The following WHRN variants were observed in gnomAD, a reference collection of about 807,000 sequenced individuals.
WHRN encodes the protein whirlin, also known as CASK-interacting protein CIP98.
In WHRN, 41 loss-of-function variants were observed where a neutral mutation model predicts 68.3. That is an observed-to-expected ratio of 0.60 (90% CI 0.47 to 0.78). The LOEUF is 0.78. Among genes scored for constraint, WHRN ranks in the 30% least tolerant of loss-of-function variants. The pLI is 0.00. For missense variants in WHRN, 1,243 were observed against 1,244.7 expected (o/e 1.00, Z 0.02); for synonymous variants, 560 against 561.3 (o/e 1.00, Z 0.03).
intron 3 of WHRN, among the ~76,000 whole-genome samples, chr9:114,462,339 A>G (rs1840315444): frequency 6.6e-6 from 1 of 152,108 alleles, no homozygotes; most frequent in African/African-American, 2.4e-5. Context: ...GCTCTATGTA[A>G]AGAGAACTCT....
intron 7 of WHRN, among the ~76,000 whole-genome samples, chr9:114,420,281 G>T (rs571507972): frequency 1.6e-4 from 24 of 152,292 alleles, no homozygotes; most frequent in Admixed American, 4.6e-4. Context: ...CCACTGCCAT[G>T]ACCAGCATCC....
chr9:114,475,474 C>T (rs1000709), intron 2 of WHRN, among the ~76,000 whole-genome samples: 65,923 of 151,996 alleles, frequency 0.43, 15,292 homozygotes, highest in East Asian at 0.63. Context: ...TCTCATACCA[C>T]GGCACAGAGA....
At chr9:114,455,590 T>C (rs1190936477) in intron 3 of WHRN, among the ~76,000 whole-genome samples, 3 of 151,714 alleles carry the variant, frequency 2.0e-5, no homozygotes, top group Non-Finnish European at 4.4e-5. Flanking sequence ...GGTGCATGCC[T>C]GTAGTCCCGG....
chr9:114,430,564 G>A (rs893863609), intron 3 of WHRN, among the ~76,000 whole-genome samples: 1 of 152,150 alleles, frequency 6.6e-6, no homozygotes, highest in Non-Finnish European at 1.5e-5. Context: ...TGGCACTTAT[G>A]CAACCTGAGT....
At position 114,406,636 on chromosome 9, in the gene WHRN, G is replaced by A. The variant is rs1431017091; in HGVS notation, c.1955C>T (p.Ala652Val). 1 of 1,612,726 alleles carries A rather than the reference G, an allele frequency of 6.2e-7. No homozygotes were observed. ...GCTGGGGTTGGCAGGGGAGACGGAG[G>A]CATAGATGGGGGAAGAGGGCAAGTC... ...AQDLPSSPIYASVSPANPSSK... is the reference protein window; with the variant it reads ...AQDLPSSPIYVSVSPANPSSK... The change falls in exon 9 of 12, where the codon GCC becomes GTC. Residue 652 changes from alanine to valine, a missense_variant. Coordinates refer to ENST00000362057, the MANE Select transcript of WHRN (RefSeq NM_015404.4).
chr9:114,488,630 T>C (rs1414304493), intron 1 of WHRN, among the ~76,000 whole-genome samples: 1 of 152,160 alleles, frequency 6.6e-6, no homozygotes, highest in Non-Finnish European at 1.5e-5. Flanking sequence ...CCCGAGCAGG[T>C]GCTGTGTCCA....
intron 2 of WHRN, among the ~76,000 whole-genome samples, chr9:114,475,507 T>C (rs1021718353): frequency 6.6e-6 from 1 of 152,214 alleles, no homozygotes; most frequent in Non-Finnish European, 1.5e-5. Flanking sequence ...AAAAGGGCTA[T>C]AAAACTATAA....
chr9:114,425,475 C>G (rs1218946140), intron 4 of WHRN: 1 of 410,312 alleles, frequency 2.4e-6, no homozygotes, highest in Non-Finnish European at 4.4e-6. Flanking sequence ...TTTTAAGAAG[C>G]ATCCAGAAAT....
At chr9:114,467,361 G>GCCTT (rs1282225557) in intron 2 of WHRN, among the ~76,000 whole-genome samples, 1 of 152,092 alleles carries the variant, frequency 6.6e-6, no homozygotes, top group Non-Finnish European at 1.5e-5. Context: ...CAGTCAACAG[G>GCCTT]CCTTCACGGT....
rs1794231643 is a variant in WHRN, at chr9:114,424,973, T to C, written c.1203+15A>G. On this transcript the variant is annotated intron_variant, in intron 5 of 11. Transcript: ENST00000362057. The stretch of plus-strand genomic sequence containing the variant: ...CTGTGAGGAAGCAGAGAATACCCCT[T>C]AGAGGATGTCCTACCTTGTTTATTC... 3 of 1,613,646 alleles carry C rather than the reference T, an allele frequency of 1.9e-6. No individual in the cohort carries two copies. The highest frequency in any genetic ancestry group is 2.2e-5 in the South Asian group (2 of 91,082).
At chr9:114,503,300 C>A in intron 1 of WHRN, 1 of 707,128 alleles carries the variant, frequency 1.4e-6, no homozygotes, top group Non-Finnish European at 1.7e-6. Flanking sequence ...TCCCTTTTCC[C>A]CCAAACTCTT....
Position 114,501,624 on chromosome 9 carries a change from C to T in WHRN, c.618+2560G>A, listed in dbSNP as rs143169571. On this transcript the variant is annotated intron_variant, in intron 1 of 11. Coordinates refer to ENST00000362057, the MANE Select transcript of WHRN (RefSeq NM_015404.4). ...GTTTGGGAAGCTCAGAGGATCTCCT[C>T]CCCCTCACCCCACCTTCCATCGCAG... 6.2e-3 allele frequency among the ~76,000 whole-genome samples: 933 copies of T among 151,626 alleles called. 7 individuals carry two copies. The highest frequency in any genetic ancestry group is 0.022 in the African/African-American group (890 of 41,236).
rs1229623706 is a variant in WHRN at position 114,502,364 on chromosome 9, G to A, written c.618+1820C>T. On this transcript the variant is annotated intron_variant, in intron 1 of 11. Transcript: ENST00000362057. ...CCTTGCCAGCAAGGGTTTATTCTCA[G>A]GCTTCAAAAACTATGACATGGAGAG... Among the ~76,000 whole-genome samples, 5 of 152,222 alleles carry A rather than the reference G, an allele frequency of 3.3e-5. No homozygotes were observed. The East Asian group carries it at 9.7e-4, about 29-fold the overall frequency.
intron 7 of WHRN, among the ~76,000 whole-genome samples, chr9:114,414,547 A>G (rs995702344): frequency 6.6e-6 from 1 of 152,148 alleles, no homozygotes; most frequent in African/African-American, 2.4e-5. Context: ...CCTCACTCAG[A>G]GGGCAGCTGG....
At chr9:114,413,760 T>C (rs1835623525) in intron 7 of WHRN, among the ~76,000 whole-genome samples, 1 of 152,162 alleles carries the variant, frequency 6.6e-6, no homozygotes, top group Non-Finnish European at 1.5e-5. Context: ...CTGGCTATCA[T>C]ATTTGACCAC....
At chr9:114,485,456 C>T (rs912577986) in intron 1 of WHRN, among the ~76,000 whole-genome samples, 1 of 141,636 alleles carries the variant, frequency 7.1e-6, no homozygotes, top group Non-Finnish European at 1.6e-5. Context: ...TTTGGGAGGC[C>T]GAGGCGGGTG....
intron 3 of WHRN, among the ~76,000 whole-genome samples, chr9:114,429,801 C>T (rs1247628865): frequency 6.6e-6 from 1 of 152,188 alleles, no homozygotes; most frequent in Non-Finnish European, 1.5e-5. Flanking sequence ...TGCTAAGAGG[C>T]AGAGCTGTGC....
Position 114,505,052 on chromosome 9 carries a change from C to T in WHRN, c.-251G>A, listed in dbSNP as rs1052199631. 2 of 467,974 alleles carry T rather than the reference C, an allele frequency of 4.3e-6. No homozygotes were observed. The highest frequency in any genetic ancestry group is 4.1e-5 in the African/African-American group (2 of 48,762). 29.0% of individuals were successfully genotyped at this position (467,974 alleles called of 1,614,324 possible). A position where few individuals can be genotyped will look rare whatever the true frequency, so the allele number is the denominator to read the frequency against. ...GGGACGCGGAGACGTCGGCGGGTTCCTGAGAGACACAAGAGTTGGCTGCTG... is the reference window on the plus strand; with the variant it reads ...GGGACGCGGAGACGTCGGCGGGTTCTTGAGAGACACAAGAGTTGGCTGCTG... On this transcript the variant is annotated 5_prime_UTR_variant, in exon 1 of 12. Coordinates refer to ENST00000362057, the MANE Select transcript of WHRN (RefSeq NM_015404.4).
At chr9:114,478,993 C>A (rs1343510272) in intron 1 of WHRN, among the ~76,000 whole-genome samples, 1 of 152,190 alleles carries the variant, frequency 6.6e-6, no homozygotes, top group African/African-American at 2.4e-5. Context: ...GAAATATGAT[C>A]TTTTAGGATA....
Sources: allele counts gnomAD v4.1 joint callset (sites outside exome capture counted in the v4.1 genomes callset), GRCh38; gene constraint gnomAD v4.1.1; transcripts MANE v1.5; gene names NCBI Gene and HGNC (gene_info 2026-07-23, HGNC 2026-07-21).